RORB: variants seen among roughly 807,000 people sequenced by gnomAD.
The protein encoded by RORB is RAR related orphan receptor B, also known as nuclear receptor ROR-beta.
In RORB, 6 loss-of-function variants were observed where a neutral mutation model predicts 59.1. The observed-to-expected ratio is 0.10, with a 90% CI of 0.06 to 0.20. The LOEUF is 0.20. Ranked by LOEUF, RORB falls within the 10% of genes least tolerant of loss-of-function variation. The pLI is 1.00. For synonymous variants in RORB, 215 were observed against 204.5 expected (o/e 1.05, Z -0.44); for missense variants, 320 against 560.5 (o/e 0.57, Z 4.33).
At chr9:74,675,044 A>T (rs192527775) in intron 9 of RORB, among the ~76,000 whole-genome samples, 67 of 152,292 alleles carry the variant, frequency 4.4e-4, no homozygotes, top group Non-Finnish European at 1.0e-4. Context: ...CAGAAAAAAA[A>T]ATTATTTCGG....
Position 74,660,598 on chromosome 9 carries a change from T to C in RORB, c.638-19T>C, listed in dbSNP as rs369023931. ...GTAATTTTATTCACAAACCTTTGAATTGATATCTTTTCTCACAGACCGAAT... is the reference window on the plus strand; with the variant it reads ...GTAATTTTATTCACAAACCTTTGAACTGATATCTTTTCTCACAGACCGAAT... On this transcript the variant is annotated intron_variant, in intron 4 of 9. Coordinates refer to ENST00000376896, the MANE Select transcript of RORB (RefSeq NM_006914.4). 1.3e-4 allele frequency: 213 copies of C among 1,599,120 alleles called. No homozygotes were observed. The highest frequency in any genetic ancestry group is 1.5e-4 in the Non-Finnish European group (177 of 1,174,484).
intron 4 of RORB, among the ~76,000 whole-genome samples, chr9:74,648,090 C>A (rs1011512264): frequency 6.6e-6 from 1 of 151,940 alleles, no homozygotes; most frequent in Non-Finnish European, 1.5e-5. Flanking sequence ...GGTAACTGTC[C>A]GATACATCAT....
At chr9:74,624,450 T>C (rs1823473827) in intron 1 of RORB, among the ~76,000 whole-genome samples, 1 of 152,242 alleles carries the variant, frequency 6.6e-6, no homozygotes, top group Non-Finnish European at 1.5e-5. Flanking sequence ...TCTTTTAGAA[T>C]CACCACCTTC....
chr9:74,506,975 C>T (rs1032820919), intron 1 of RORB, among the ~76,000 whole-genome samples: 1 of 151,966 alleles, frequency 6.6e-6, no homozygotes, highest in Non-Finnish European at 1.5e-5. Flanking sequence ...TGAGGTTTTT[C>T]CAAAAAGATG....
At chr9:74,513,076 G>C (rs1303694342) in intron 1 of RORB, among the ~76,000 whole-genome samples, 3 of 152,140 alleles carry the variant, frequency 2.0e-5, no homozygotes, top group Non-Finnish European at 4.4e-5. Context: ...AATAGTTTTT[G>C]ATAATAGAAT....
intron 1 of RORB, among the ~76,000 whole-genome samples, chr9:74,573,333 T>C (rs7027612): frequency 8.1e-4 from 123 of 152,134 alleles, no homozygotes; most frequent in African/African-American, 2.8e-3. Flanking sequence ...CAAGTGTGTT[T>C]TCCCATTCAA....
At chr9:74,545,822 G>A (rs1465526741) in intron 1 of RORB, among the ~76,000 whole-genome samples, 1 of 151,622 alleles carries the variant, frequency 6.6e-6, no homozygotes, top group East Asian at 1.9e-4. Context: ...TTTTTTCAGG[G>A]GACATATATC....
intron 9 of RORB, among the ~76,000 whole-genome samples, chr9:74,673,632 T>C (rs1587418069): frequency 6.6e-6 from 1 of 152,136 alleles, no homozygotes; most frequent in Non-Finnish European, 1.5e-5. Context: ...AAGGCAGAAA[T>C]TGAAGAACGA....
intron 1 of RORB, among the ~76,000 whole-genome samples, chr9:74,618,987 G>A (rs1325471416): frequency 6.6e-6 from 1 of 152,118 alleles, no homozygotes; most frequent in Non-Finnish European, 1.5e-5. Context: ...TGCACAAAAA[G>A]GTGGCAATTT....
At chr9:74,577,678 G>A (rs992724152) in intron 1 of RORB, among the ~76,000 whole-genome samples, 3 of 151,966 alleles carry the variant, frequency 2.0e-5, no homozygotes, top group Admixed American at 6.6e-5. Context: ...CCAAATAAGC[G>A]GGTTTGCCCC....
chr9:74,503,531 T>C (rs1228475208), intron 1 of RORB, among the ~76,000 whole-genome samples: 1 of 152,052 alleles, frequency 6.6e-6, no homozygotes, highest in Non-Finnish European at 1.5e-5. Context: ...ATACACGTGG[T>C]ACTAGAGTCG....
chr9:74,544,536 T>C (rs1436377274), intron 1 of RORB, among the ~76,000 whole-genome samples: 1 of 152,220 alleles, frequency 6.6e-6, no homozygotes, highest in Non-Finnish European at 1.5e-5. Context: ...TTGACATTCA[T>C]CTTCAGAGCC....
intron 1 of RORB, among the ~76,000 whole-genome samples, chr9:74,607,584 C>CTA (rs554022865): frequency 9.7e-5 from 14 of 144,842 alleles, no homozygotes; most frequent in Admixed American, 6.4e-4. Context: ...CATGTTTATA[C>CTA]TATATATATA....
At position 74,613,671 on chromosome 9, in the gene RORB, C is replaced by T. The variant is rs183173653; in HGVS notation, c.8-16611C>T. ...ATCCACAGCTGAGAACCACTAAGTTCGGCTCTACCATGCCAAAAATAATCT... is the reference window on the plus strand; with the variant it reads ...ATCCACAGCTGAGAACCACTAAGTTTGGCTCTACCATGCCAAAAATAATCT... On this transcript the variant is annotated intron_variant, in intron 1 of 9. Coordinates refer to ENST00000376896, the MANE Select transcript of RORB (RefSeq NM_006914.4). Among the ~76,000 whole-genome samples the T allele has an allele frequency of 1.8e-3, 267 of 152,266 alleles. 2 individuals are homozygous for T. The highest frequency in any genetic ancestry group is 5.7e-3 in the African/African-American group (236 of 41,552).
chr9:74,552,821 A>G (rs1308976037), intron 1 of RORB, among the ~76,000 whole-genome samples: 2 of 152,116 alleles, frequency 1.3e-5, no homozygotes, highest in Non-Finnish European at 2.9e-5. Flanking sequence ...CAAAATAATA[A>G]TAATAATAAT....
intron 1 of RORB, among the ~76,000 whole-genome samples, chr9:74,518,810 G>C (rs1826046931): frequency 6.6e-6 from 1 of 151,950 alleles, no homozygotes; most frequent in Non-Finnish European, 1.5e-5. Context: ...TTAGAACCAT[G>C]TAATTCCAAA....
chr9:74,665,482 T>C lies in RORB; in HGVS notation c.893-6T>C. ...TTTTATTTTTATTTTTATTTTTTAC[T>C]CATAGGTTGCTTGGAAGTGGTTTTA... On this transcript the variant is annotated splice_polypyrimidine_tract_variant and splice_region_variant and intron_variant, in intron 6 of 9. Transcript: ENST00000376896. 1 of 1,559,116 alleles carries C rather than the reference T, an allele frequency of 6.4e-7. No homozygotes were observed. The highest frequency in any genetic ancestry group is 1.2e-5 in the South Asian group (1 of 85,292).
At chr9:74,530,903 GTGATGCTC>G (rs1359857980) in intron 1 of RORB, among the ~76,000 whole-genome samples, 3 of 151,574 alleles carry the variant, frequency 2.0e-5, no homozygotes, top group Non-Finnish European at 4.4e-5. Flanking sequence ...GCCCCGGTGT[GTGATGCTC>G]CTCATCCTGT....
rs766380427 is a variant in RORB at position 74,673,385 on chromosome 9, C to T, written c.1224+1484C>T. On this transcript the variant is annotated intron_variant, in intron 9 of 9. Transcript: ENST00000376896. ...AAACACAAAGTTGGATGAAAATTCT[C>T]GCTATTCTGCTTGCTTGGGAGGATT... is the stretch of plus-strand genomic sequence containing the variant. Among the ~76,000 whole-genome samples, 5 of 152,126 alleles carry T rather than the reference C, an allele frequency of 3.3e-5. 1 individual carries two copies. Among genetic ancestry groups the T allele is most frequent in the Admixed American group, 1.3e-4 (2 of 15,254 alleles).
Sources: allele counts gnomAD v4.1 joint callset (sites outside exome capture counted in the v4.1 genomes callset), GRCh38; gene constraint gnomAD v4.1.1; transcripts MANE v1.5; gene names NCBI Gene and HGNC (gene_info 2026-07-23, HGNC 2026-07-21).